Variants in OR5K1 observed in about 807,000 individuals in gnomAD.
OR5K1 encodes the protein olfactory receptor 5K1.
Under a neutral mutation model 10.4 loss-of-function variants are expected in OR5K1, and 7 were observed. That is an observed-to-expected ratio of 0.67 (90% CI 0.38 to 1.26). The LOEUF (loss-of-function observed/expected upper bound fraction) is 1.26. Ranked by LOEUF, OR5K1 falls within the 50% of genes most tolerant of loss-of-function variation. The pLI is 0.02. For missense variants in OR5K1, 435 were observed against 366.2 expected (o/e 1.19, Z -1.53); for synonymous variants, 135 against 128.5 (o/e 1.05, Z -0.34).
rs753684774 is a variant in OR5K1 at position 98,470,444 on chromosome 3, T to A, written c.868T>A (p.Tyr290Asn). The change falls in exon 2 of 2, where the codon TAT (tyrosine) becomes AAT (asparagine). Residue 290 changes from tyrosine (Y) to asparagine (N), a missense_variant. Coordinates refer to ENST00000642057, the MANE Select transcript of OR5K1 (RefSeq NM_001004736.4). ...IVVPLLNPFI[Y>N]SLRNREVISV... ...AGTTCCCTTACTAAATCCTTTCATT[T>A]ATAGCCTGAGAAATAGGGAAGTAAT... 6.3e-7 allele frequency: 1 copy of A among 1,597,298 alleles called. No individual in the cohort carries two copies.
intron 1 of OR5K1, among the ~76,000 whole-genome samples, chr3:98,468,329 A>G (rs969945261): frequency 6.6e-6 from 1 of 152,172 alleles, no homozygotes; most frequent in African/African-American, 2.4e-5. Flanking sequence ...ATTGTGATAG[A>G]AAATACATAA....
Position 98,470,276 on chromosome 3 carries a change from A to G in OR5K1, c.700A>G (p.Arg234Gly), listed in dbSNP as rs781325815. The G allele has an allele frequency of 2.5e-6, 4 of 1,613,234 alleles. No individual in the cohort carries two copies. The highest frequency in any genetic ancestry group is 3.4e-6 in the Non-Finnish European group (4 of 1,179,486). Residue 234 changes from arginine (R) to glycine (G), a missense_variant, in exon 2 of 2, where the codon AGG (arginine) becomes GGG (glycine). Coordinates refer to ENST00000642057, the MANE Select transcript of OR5K1 (RefSeq NM_001004736.4). ...TTTCAAAATGAAATCCAAAGAGGGA[A>G]GGGCCAAAGCTTTTTCTACCTGTGC... ...TIFKMKSKEG[R>G]AKAFSTCASH...
rs945256097 is a variant in OR5K1 at position 98,463,291 on chromosome 3, T to C, written c.-28T>C. ...AACCTACTGGCCCCTTTAAAACTCT[T>C]ACCAGGGAAAATTCAGGTGAGAAAG... On this transcript the variant is annotated 5_prime_UTR_variant, in exon 1 of 2. Coordinates refer to ENST00000642057, the MANE Select transcript of OR5K1 (RefSeq NM_001004736.4). 4 of 152,236 alleles carry C rather than the reference T, an allele frequency of 2.6e-5. No homozygotes were observed. Among genetic ancestry groups the C allele is most frequent in the African/African-American group, 9.6e-5 (4 of 41,470 alleles). The allele number at this position is 152,236 out of a possible 1,614,324, so 9.4% of individuals were successfully genotyped here. A position where few individuals can be genotyped will look rare whatever the true frequency, so the allele number is the denominator to read the frequency against.
intron 1 of OR5K1, among the ~76,000 whole-genome samples, chr3:98,466,718 T>A (rs1576236899): frequency 7.8e-6 from 1 of 128,774 alleles, no homozygotes. Context: ...TGTCTGTTCA[T>A]GTCCTTCGCC....
chr3:98,470,633 T>C lies in OR5K1; in HGVS notation c.*130T>C. ...TAAAATTTTAATATATAAGAATACA[T>C]TCAAATTAAGTGGCAAGAGGTAAGG... On this transcript the variant is annotated 3_prime_UTR_variant, in exon 2 of 2. Transcript: ENST00000642057. The C allele has an allele frequency of 1.8e-6, 1 of 554,954 alleles. No homozygotes were observed. The highest frequency in any genetic ancestry group is 3.0e-5 in the East Asian group (1 of 32,926). The allele number at this position is 554,954 out of a possible 1,614,324, so 34.4% of individuals were successfully genotyped here. A position where few individuals can be genotyped will look rare whatever the true frequency, so the allele number is the denominator to read the frequency against.
intron 1 of OR5K1, among the ~76,000 whole-genome samples, chr3:98,468,933 G>A (rs1289311155): frequency 6.6e-6 from 1 of 152,012 alleles, no homozygotes; most frequent in Non-Finnish European, 1.5e-5. Flanking sequence ...GGATCTTTCT[G>A]TCAAGACCTC....
rs371049687 is a variant in OR5K1, at chr3:98,470,000, A to C, written c.424A>C (p.Ile142Leu). 4.0e-5 allele frequency: 64 copies of C among 1,613,602 alleles called. No individual in the cohort carries two copies. The highest frequency in any genetic ancestry group is 5.0e-5 in the Non-Finnish European group (59 of 1,179,814). ...CATCATGATGTCCAAGAAACTCTGC[A>C]TTCAGATGACCACAGGGGCCTTCAT... The part of the protein sequence containing the change: ...YHIMMSKKLC[I>L]QMTTGAFIAG... Residue 142 changes from isoleucine to leucine, a missense_variant, in exon 2 of 2, where the codon ATT becomes CTT. By Grantham distance (5) the Ile-to-Leu change is conservative. Transcript: ENST00000642057.
intron 1 of OR5K1, among the ~76,000 whole-genome samples, chr3:98,464,894 G>A (rs991667222): frequency 6.6e-6 from 1 of 152,168 alleles, no homozygotes; most frequent in Non-Finnish European, 1.5e-5. Context: ...TTTGCTCAAT[G>A]AATCCATTGT....
intron 1 of OR5K1, among the ~76,000 whole-genome samples, chr3:98,468,613 A>T (rs140486440): frequency 3.1e-4 from 47 of 152,200 alleles, no homozygotes; most frequent in African/African-American, 1.1e-3. Context: ...AATTAGCATT[A>T]TGTCTCCAAG....
chr3:98,469,687 C>G lies in OR5K1; in HGVS notation c.111C>G (p.Ile37Met). ...LFVVFFAIYL[I>M]TVVGNISLVA... ...TGGTGTTCTTTGCCATCTATCTGAT[C>G]ACCGTGGTGGGGAATATTAGTTTGG... Residue 37 changes from isoleucine (I) to methionine (M), a missense_variant, in exon 2 of 2, where the codon ATC (isoleucine) becomes ATG (methionine). By Grantham distance (10) the Ile-to-Met change is conservative. Transcript: ENST00000642057. 1 of 1,613,692 alleles carries G rather than the reference C, an allele frequency of 6.2e-7. No individual in the cohort carries two copies.
chr3:98,466,475 C>T (rs62266481), intron 1 of OR5K1, among the ~76,000 whole-genome samples: 5,308 of 29,384 alleles, frequency 0.18, 418 homozygotes, highest in Middle Eastern at 0.3. Flanking sequence ...AATCGCCACA[C>T]TGACTTCCAC....
At position 98,470,520 on chromosome 3, in the gene OR5K1, A is replaced by AAC. The variant is rs1437701195; in HGVS notation, c.*19_*20dup. The stretch of plus-strand genomic sequence containing the variant: ...AAGAAATAATCTCAAGAAAGATGGA[A>AAC]ACAAGTGACATCTACTATAGCTTAA... On this transcript the variant is annotated 3_prime_UTR_variant, in exon 2 of 2. Transcript: ENST00000642057. 4 of 1,417,900 alleles carry AAC rather than the reference A, an allele frequency of 2.8e-6. No homozygotes were observed. Among genetic ancestry groups the AAC allele is most frequent in the Non-Finnish European group, 3.9e-6 (4 of 1,018,836 alleles). 87.8% of individuals were successfully genotyped at this position (1,417,900 alleles called of 1,614,324 possible). A position where few individuals can be genotyped will look rare whatever the true frequency, so the allele number is the denominator to read the frequency against.
chr3:98,465,412 T>G (rs1218733642), intron 1 of OR5K1, among the ~76,000 whole-genome samples: 1 of 152,176 alleles, frequency 6.6e-6, no homozygotes, highest in Non-Finnish European at 1.5e-5. Flanking sequence ...TGAATTTTTA[T>G]GATTATGAAT....
Position 98,469,549 on chromosome 3 carries a change from C to T in OR5K1, c.-11-17C>T. 8.8e-6 allele frequency: 14 copies of T among 1,591,204 alleles called. No homozygotes were observed. Among genetic ancestry groups the T allele is most frequent in the Non-Finnish European group, 1.2e-5 (14 of 1,167,956 alleles). On this transcript the variant is annotated splice_polypyrimidine_tract_variant and intron_variant, in intron 1 of 1. Transcript: ENST00000642057. The stretch of plus-strand genomic sequence containing the variant: ...TATTATAAATTAGTGCCTTCTTTCT[C>T]CACAATTTTTTTTCAGACAAGTCAG...
chr3:98,465,552 T>C (rs2107087829), intron 1 of OR5K1, among the ~76,000 whole-genome samples: 1 of 152,232 alleles, frequency 6.6e-6, no homozygotes, highest in Non-Finnish European at 1.5e-5. Context: ...TACAAATTAT[T>C]TTCCAGTAAT....
rs200791772 is a variant in OR5K1 at position 98,469,638 on chromosome 3, C to T, written c.62C>T (p.Pro21Leu). The T allele has an allele frequency of 6.2e-7, 1 of 1,613,534 alleles. No individual in the cohort carries two copies. Among genetic ancestry groups the T allele is most frequent in the East Asian group, 2.2e-5 (1 of 44,864 alleles). Residue 21 changes from proline to leucine, a missense_variant, in exon 2 of 2, where the codon CCT becomes CTT. Pro to Leu is a moderately conservative substitution (Grantham distance 98). Coordinates refer to ENST00000642057, the MANE Select transcript of OR5K1 (RefSeq NM_001004736.4). ...EFILTGFTDH[P>L]ELKTLLFVVF... ...ATCCTCACAGGATTTACAGATCACC[C>T]TGAGCTGAAGACTCTGCTGTTTGTG... is the stretch of plus-strand genomic sequence containing the variant.
In OR5K1 at chr3:98,470,421, T is replaced by C. The variant is rs116109072; in HGVS notation, c.845T>C (p.Val282Ala). The C allele has an allele frequency of 1.1e-3, 1,801 of 1,605,726 alleles. 20 individuals carry two copies. The African/African-American group carries it at 0.021, about 19-fold the overall frequency. The change falls in exon 2 of 2, where the codon GTT (valine) becomes GCT (alanine). Residue 282 changes from valine (V) to alanine (A), a missense_variant. By Grantham distance (64) the Val-to-Ala change is moderately conservative. Transcript: ENST00000642057. ...GCTGCAATTTTATTTACAATAGTAG[T>C]TCCCTTACTAAATCCTTTCATTTAT... Reference protein sequence around the residue: ...IPAAILFTIVVPLLNPFIYSL... With the variant: ...IPAAILFTIVAPLLNPFIYSL...
In OR5K1 at chr3:98,470,120, C is replaced by T. The variant is rs777615782; in HGVS notation, c.544C>T (p.Leu182Phe). 2.5e-6 allele frequency: 4 copies of T among 1,613,608 alleles called. No homozygotes were observed. The highest frequency in any genetic ancestry group is 3.4e-6 in the Non-Finnish European group (4 of 1,179,702). ...NHINHFYCDI[L>F]PLYRLSCVDP... ...CATCAACCACTTTTACTGTGATATT[C>T]TTCCCTTGTATAGACTCTCTTGTGT... The change falls in exon 2 of 2, where the codon CTT (leucine) becomes TTT (phenylalanine). Residue 182 changes from leucine (L) to phenylalanine (F), a missense_variant. Physicochemically the swap from Leu to Phe is conservative, Grantham distance 22 (BLOSUM62 0). Transcript: ENST00000642057.
At chr3:98,468,431 T>C (rs544320581) in intron 1 of OR5K1, among the ~76,000 whole-genome samples, 1 of 152,236 alleles carries the variant, frequency 6.6e-6, no homozygotes, top group Admixed American at 6.6e-5. Flanking sequence ...CCACTACTCA[T>C]CCAGAACTTT....
Sources: gnomAD v4.1 joint callset for allele counts (sites outside exome capture counted in the v4.1 genomes callset) on GRCh38, gnomAD v4.1.1 for gene constraint, MANE v1.5 for transcripts, NCBI Gene and HGNC (gene_info 2026-07-23, HGNC 2026-07-21) for gene names.